DNAJC18: variants seen among roughly 807,000 people sequenced by gnomAD.
DNAJC18 encodes the protein DnaJ heat shock protein family (Hsp40) member C18, also known as dnaJ homolog subfamily C member 18.
A neutral mutation model predicts 48.6 loss-of-function variants in DNAJC18; 40 were observed. The observed-to-expected ratio is 0.82, with a 90% CI of 0.64 to 1.07. The LOEUF (loss-of-function observed/expected upper bound fraction) is 1.07. Among genes scored for constraint, DNAJC18 ranks in the 50% least tolerant of loss-of-function variants. DNAJC18 has a pLI of 0.00. For missense variants in DNAJC18, 340 were observed against 427.7 expected (o/e 0.79, Z 1.81); for synonymous variants, 135 against 152.2 (o/e 0.89, Z 0.83).
At chr5:139,417,335 T>G (rs990277288) in intron 7 of DNAJC18, among the ~76,000 whole-genome samples, 13 of 152,178 alleles carry the variant, frequency 8.5e-5, no homozygotes, top group African/African-American at 3.1e-4. Context: ...AGAGTGAACT[T>G]TGTTCTCAAG....
At chr5:139,417,134 G>A (rs1759080961) in intron 7 of DNAJC18, among the ~76,000 whole-genome samples, 1 of 150,442 alleles carries the variant, frequency 6.6e-6, no homozygotes, top group African/African-American at 2.4e-5. Context: ...AGGTTGCAGT[G>A]CGCCGAGATT....
At chr5:139,433,605 C>A (rs766161244) in intron 2 of DNAJC18, among the ~76,000 whole-genome samples, 2 of 152,110 alleles carry the variant, frequency 1.3e-5, no homozygotes, top group Non-Finnish European at 2.9e-5. Context: ...ATAACAGGAG[C>A]TAACTACAAA....
In DNAJC18 at chr5:139,420,165, A is replaced by G. The variant is rs1759130149; in HGVS notation, c.840T>C (p.Asp280=). The change falls in exon 7 of 8, where the codon GAT becomes GAC. Residue 280 remains aspartate, a synonymous_variant. Transcript: ENST00000302060. ...CTCTGTAGGCCTTGTCAAAGTTTTT[A>G]TCCACAAAGTAAGGCACCTGCAGGT... ...TQNLQVPYFV[D]KNFDKAYRGA... The G allele has an allele frequency of 6.2e-7, 1 of 1,612,202 alleles. No individual in the cohort carries two copies. Among genetic ancestry groups the G allele is most frequent in the Non-Finnish European group, 8.5e-7 (1 of 1,179,534 alleles).
In DNAJC18 at chr5:139,426,296, G is replaced by A. The variant is rs776306150; in HGVS notation, c.435C>T (p.Tyr145=). Residue 145 remains tyrosine (Y), a synonymous_variant, in exon 4 of 8, where the codon TAC becomes TAT. Transcript: ENST00000302060. ...NPDKRLRYDE[Y]GDEQVTFTAP... ...CAGTGAAAGTCACCTGTTCATCTCC[G>A]TATTCATCATAGCGAAGTCTCTTAT... The A allele has an allele frequency of 9.3e-6, 15 of 1,613,996 alleles. No homozygotes were observed. The Middle Eastern group carries it at 8.2e-4, about 88-fold the overall frequency.
At chr5:139,414,895 ATTT>A (rs1418336147) in intron 7 of DNAJC18, among the ~76,000 whole-genome samples, 1 of 152,126 alleles carries the variant, frequency 6.6e-6, no homozygotes, top group Non-Finnish European at 1.5e-5. Context: ...AATTAATTTC[ATTT>A]TCTCTTTATG....
Sources: allele counts gnomAD v4.1 joint callset (sites outside exome capture counted in the v4.1 genomes callset), GRCh38; gene constraint gnomAD v4.1.1; transcripts MANE v1.5; gene names NCBI Gene and HGNC (gene_info 2026-07-23, HGNC 2026-07-21).